PKIB: variants seen among roughly 807,000 people sequenced by gnomAD.
PKIB encodes cAMP-dependent protein kinase inhibitor beta.
In PKIB, 2 loss-of-function variants were observed where a neutral mutation model predicts 4.5. That is an observed-to-expected ratio of 0.44 (90% CI 0.18 to 1.39). The LOEUF (loss-of-function observed/expected upper bound fraction) is 1.39, where lower values mean the gene tolerates loss of function less well. Among genes scored for constraint, PKIB ranks in the 40% most tolerant of loss-of-function variants. The probability of loss-of-function intolerance (pLI) is 0.27; values close to 1 mark genes in which losing one functional copy is unlikely to be tolerated. For synonymous variants in PKIB, 38 were observed against 36.0 expected, an observed-to-expected ratio of 1.06 and a Z score of -0.20; for missense variants, 94 against 92.6, an observed-to-expected ratio of 1.02 and a Z score of -0.06.
intron 2 of PKIB, among the ~76,000 whole-genome samples, chr6:122,511,552 G>A (rs1379033584): frequency 1.3e-5 from 2 of 152,064 alleles, no homozygotes; most frequent in Non-Finnish European, 2.9e-5. Flanking sequence ...CAAAATGTTG[G>A]GGGCACCACC....
intron 2 of PKIB, among the ~76,000 whole-genome samples, chr6:122,551,881 T>C (rs1169415843): frequency 6.7e-6 from 1 of 148,976 alleles, no homozygotes; most frequent in Non-Finnish European, 1.5e-5. Flanking sequence ...CATCTTTTTT[T>C]TTTTTTTTTT....
intron 3 of PKIB, among the ~76,000 whole-genome samples, chr6:122,676,328 T>C (rs2114960213): frequency 6.6e-6 from 1 of 151,980 alleles, no homozygotes. Context: ...TGATGTGGAG[T>C]GGCTGTAAAT....
chr6:122,698,346 G>C (rs7746028), intron 3 of PKIB, among the ~76,000 whole-genome samples: 150,469 of 152,258 alleles, frequency 0.99, 74,372 homozygotes, highest in South Asian at 1. Flanking sequence ...TGCCAGAAGG[G>C]CCAAGCTTGA....
At chr6:122,521,447 G>A (rs989590017) in intron 2 of PKIB, among the ~76,000 whole-genome samples, 2 of 152,116 alleles carry the variant, frequency 1.3e-5, no homozygotes, top group African/African-American at 4.8e-5. Context: ...TTGGGAGGCT[G>A]AGGCAGGCAG....
At chr6:122,476,162 T>A (rs972449476) in intron 1 of PKIB, among the ~76,000 whole-genome samples, 7 of 152,160 alleles carry the variant, frequency 4.6e-5, no homozygotes, top group African/African-American at 1.7e-4. Flanking sequence ...AAAGGATGAA[T>A]AAAATTTGTG....
intron 1 of PKIB, among the ~76,000 whole-genome samples, chr6:122,625,626 ACT>A (rs1165613874): frequency 2.0e-5 from 3 of 151,906 alleles, no homozygotes; most frequent in African/African-American, 7.3e-5. Context: ...CAACGGAAAG[ACT>A]CTGTCTCCAA....
intron 2 of PKIB, among the ~76,000 whole-genome samples, chr6:122,487,249 A>G: frequency 6.6e-6 from 1 of 152,222 alleles, no homozygotes; most frequent in East Asian, 1.9e-4. Flanking sequence ...TTATCTGACA[A>G]TCCAGAACCC....
chr6:122,471,981 G>A, exon 1 of PKIB: 4 of 947,154 alleles, frequency 4.2e-6, no homozygotes, highest in Non-Finnish European at 6.0e-6. Flanking sequence ...CTCAAGGACT[G>A]CTGGCTGGAA....
At chr6:122,556,604 C>G (rs1228073202) in intron 2 of PKIB, among the ~76,000 whole-genome samples, 1 of 152,158 alleles carries the variant, frequency 6.6e-6, no homozygotes, top group Middle Eastern at 3.2e-3. Flanking sequence ...ATGAGCAGAT[C>G]TGCGGGTGCC....
chr6:122,574,900 G>A (rs1773482181), intron 2 of PKIB, among the ~76,000 whole-genome samples: 1 of 152,094 alleles, frequency 6.6e-6, no homozygotes, highest in Non-Finnish European at 1.5e-5. Context: ...AAATAAGTGT[G>A]ACCTACTTAA....
At chr6:122,711,374 A>G (rs1332047652) in intron 3 of PKIB, among the ~76,000 whole-genome samples, 1 of 152,176 alleles carries the variant, frequency 6.6e-6, no homozygotes, top group Non-Finnish European at 1.5e-5. Context: ...CTTTGACACA[A>G]ATTAAGCTAT....
chr6:122,572,889 C>T (rs577775618), intron 2 of PKIB, among the ~76,000 whole-genome samples: 7 of 152,234 alleles, frequency 4.6e-5, no homozygotes, highest in African/African-American at 1.7e-4. Context: ...TGGATAACTT[C>T]CTGGAAACAT....
chr6:122,602,396 AT>A (rs1455342926), intron 3 of PKIB, among the ~76,000 whole-genome samples: 8 of 152,350 alleles, frequency 5.3e-5, no homozygotes, highest in African/African-American at 1.9e-4. Flanking sequence ...GCTGTAGCTA[AT>A]GAGAATCATA....
chr6:122,501,349 G>A (rs1041903753), intron 2 of PKIB, among the ~76,000 whole-genome samples: 1 of 152,160 alleles, frequency 6.6e-6, no homozygotes, highest in South Asian at 2.1e-4. Flanking sequence ...AAAACAAAGG[G>A]GCTACAGGCC....
chr6:122,681,896 T>C (rs1777909902), intron 3 of PKIB, among the ~76,000 whole-genome samples: 1 of 152,210 alleles, frequency 6.6e-6, no homozygotes, highest in Admixed American at 6.5e-5. Context: ...TGCGCTAATG[T>C]GTCAGCCTAC....
chr6:122,704,728 C>CTGTGTGTG (rs113825379), intron 3 of PKIB, among the ~76,000 whole-genome samples: 2,768 of 149,262 alleles, frequency 0.019, 52 homozygotes, highest in African/African-American at 0.057. Flanking sequence ...GAAATAATAA[C>CTGTGTGTG]TGTGTGTGTG....
chr6:122,569,985 C>T (rs1418845519), intron 2 of PKIB, among the ~76,000 whole-genome samples: 3 of 152,146 alleles, frequency 2.0e-5, no homozygotes, highest in Non-Finnish European at 4.4e-5. Context: ...GAGTACACCA[C>T]TGAAGACACA....
intron 3 of PKIB, among the ~76,000 whole-genome samples, chr6:122,684,128 AAATAAT>A (rs1420752441): frequency 1.3e-5 from 2 of 152,182 alleles, no homozygotes; most frequent in Admixed American, 1.3e-4. Flanking sequence ...GAAGCACTTT[AAATAAT>A]CAGATTTGTA....
chr6:122,501,605 C>T (rs1361772201), intron 2 of PKIB, among the ~76,000 whole-genome samples: 1 of 152,178 alleles, frequency 6.6e-6, no homozygotes, highest in African/African-American at 2.4e-5. Context: ...GCCTGGGATG[C>T]AGGGTGCCAT....
Sources: gnomAD v4.1 joint callset for allele counts (sites outside exome capture counted in the v4.1 genomes callset) on GRCh38, gnomAD v4.1.1 for gene constraint, MANE v1.5 for transcripts, NCBI Gene and HGNC (gene_info 2026-07-23, HGNC 2026-07-21) for gene names.